Variants in CREB5 observed in about 807,000 individuals in gnomAD.
CREB5 encodes the protein cAMP responsive element binding protein 5.
CREB5 carries 19 observed loss-of-function variants against 57.1 expected under a neutral mutation model. The ratio of observed to expected loss-of-function variants is 0.33; its 90% CI spans 0.23 to 0.49. The LOEUF is 0.49. Among genes scored for constraint, CREB5 ranks in the 20% least tolerant of loss-of-function variants. CREB5 has a pLI of 0.99. For missense variants in CREB5, 579 were observed against 671.6 expected, an observed-to-expected ratio of 0.86 and a Z score of 1.52; for synonymous variants, 238 against 238.3, an observed-to-expected ratio of 1.00 and a Z score of 0.01.
At chr7:28,679,603 C>T (rs1800491367) in intron 5 of CREB5, among the ~76,000 whole-genome samples, 1 of 152,192 alleles carries the variant, frequency 6.6e-6, no homozygotes, top group Admixed American at 6.5e-5. Context: ...TTCTTCTCTG[C>T]CTCTACTCCA....
intron 7 of CREB5, among the ~76,000 whole-genome samples, chr7:28,734,981 A>G (rs1228858699): frequency 6.6e-6 from 1 of 152,146 alleles, no homozygotes; most frequent in Non-Finnish European, 1.5e-5. Context: ...TAATAGAGCA[A>G]ATTGTCCTTC....
chr7:28,562,997 G>T (rs1437294450), intron 4 of CREB5, among the ~76,000 whole-genome samples: 1 of 152,142 alleles, frequency 6.6e-6, no homozygotes, highest in Admixed American at 6.5e-5. Context: ...GCCTAGAGCT[G>T]AGCTTTTCCA....
intron 7 of CREB5, among the ~76,000 whole-genome samples, chr7:28,790,607 T>C (rs1321478109): frequency 3.9e-5 from 6 of 152,226 alleles, no homozygotes; most frequent in Non-Finnish European, 5.9e-5. Flanking sequence ...CAGATGGGCT[T>C]GGTCCCATCA....
chr7:28,614,054 GC>G (rs1797506052), intron 5 of CREB5, among the ~76,000 whole-genome samples: 2 of 152,166 alleles, frequency 1.3e-5, no homozygotes, highest in African/African-American at 4.8e-5. Flanking sequence ...TGAACTACCA[GC>G]CTCAAGAGAT....
chr7:28,669,717 C>T (rs1021146324), intron 5 of CREB5, among the ~76,000 whole-genome samples: 3 of 152,238 alleles, frequency 2.0e-5, no homozygotes, highest in African/African-American at 7.2e-5. Flanking sequence ...ACAGTGGCTA[C>T]AAGCCAAGCT....
intron 1 of CREB5, among the ~76,000 whole-genome samples, chr7:28,462,514 G>T (rs1439506478): frequency 1.3e-5 from 2 of 152,088 alleles, no homozygotes; most frequent in African/African-American, 4.8e-5. Flanking sequence ...TTTCTCAAGT[G>T]GCTGCCCCGT....
intron 5 of CREB5, among the ~76,000 whole-genome samples, chr7:28,613,094 C>T (rs1797458445): frequency 6.6e-6 from 1 of 152,186 alleles, no homozygotes; most frequent in South Asian, 2.1e-4. Flanking sequence ...TGCCTGCTTA[C>T]TGGGACTACA....
rs550097607 is a variant in CREB5, at chr7:28,762,943, A to G, written c.702+38611A>G. Among the ~76,000 whole-genome samples, 435 of 152,336 alleles carry G rather than the reference A, an allele frequency of 2.9e-3. 2 individuals are homozygous for G. Among genetic ancestry groups the G allele is most frequent in the Non-Finnish European group, 4.2e-3 (287 of 68,024 alleles). ...CAGTGTCCCAAAAGATCTTATTTAT[A>G]AAAGTATTCCACTTAAGATGTGGGC... On this transcript the variant is annotated intron_variant, in intron 7 of 10. Transcript: ENST00000357727.
chr7:28,430,229 T>G (rs538229680), intron 1 of CREB5, among the ~76,000 whole-genome samples: 1 of 152,208 alleles, frequency 6.6e-6, no homozygotes, highest in African/African-American at 2.4e-5. Flanking sequence ...GGGGAATTCA[T>G]GAAAGAGGCC....
At chr7:28,475,445 C>T (rs1318067471) in intron 1 of CREB5, among the ~76,000 whole-genome samples, 1 of 147,562 alleles carries the variant, frequency 6.8e-6, no homozygotes, top group Non-Finnish European at 1.5e-5. Flanking sequence ...TTAAATATCA[C>T]ATGGGCTATT....
intron 5 of CREB5, among the ~76,000 whole-genome samples, chr7:28,624,105 C>T (rs563890749): frequency 3.3e-5 from 5 of 152,148 alleles, no homozygotes; most frequent in South Asian, 4.1e-4. Context: ...AGTCTGAAGC[C>T]GTTACAAATA....
At chr7:28,682,352 G>A (rs757974990) in intron 5 of CREB5, among the ~76,000 whole-genome samples, 3 of 152,224 alleles carry the variant, frequency 2.0e-5, no homozygotes, top group East Asian at 1.9e-4. Flanking sequence ...CACCCAGGTC[G>A]AAGGGAATGC....
At chr7:28,769,949 T>G (rs4722844) in intron 7 of CREB5, among the ~76,000 whole-genome samples, 102,147 of 152,056 alleles carry the variant, frequency 0.67, 34,944 homozygotes, top group East Asian at 0.83. Flanking sequence ...TTCTTGCCAA[T>G]GGTGAAACTG....
rs541247843 is a variant in CREB5, at chr7:28,694,268, A to G, written c.465-24485A>G. Among the ~76,000 whole-genome samples the G allele has an allele frequency of 1.6e-4, 24 of 152,326 alleles. No individual in the cohort carries two copies. The East Asian group carries it at 2.7e-3, about 17-fold the overall frequency. On this transcript the variant is annotated intron_variant, in intron 5 of 10. Transcript: ENST00000357727. ...ATTATAATAAACCCATTTAGTGTAA[A>G]TGTAGTTGTAAATTGCTCTTGCGTA...
chr7:28,627,728 A>G (rs1174993389), intron 5 of CREB5, among the ~76,000 whole-genome samples: 1 of 151,826 alleles, frequency 6.6e-6, no homozygotes, highest in East Asian at 1.9e-4. Flanking sequence ...TCTACCCCGC[A>G]CCCCTGGACC....
At chr7:28,536,304 G>A (rs578256769) in intron 4 of CREB5, among the ~76,000 whole-genome samples, 1 of 152,290 alleles carries the variant, frequency 6.6e-6, no homozygotes, top group South Asian at 2.1e-4. Context: ...TTGCACCTGT[G>A]TTTCCTGATC....
At chr7:28,547,538 C>T (rs1245645312) in intron 4 of CREB5, among the ~76,000 whole-genome samples, 2 of 152,088 alleles carry the variant, frequency 1.3e-5, no homozygotes. Flanking sequence ...ATTATGAGGC[C>T]CACCAACATT....
intron 7 of CREB5, among the ~76,000 whole-genome samples, chr7:28,781,938 T>C (rs34382884): frequency 1.3e-5 from 2 of 151,184 alleles, no homozygotes; most frequent in Non-Finnish European, 3.0e-5. Context: ...AATGTGTGTT[T>C]TTTTTTTTTT....
intron 5 of CREB5, among the ~76,000 whole-genome samples, chr7:28,570,990 A>G (rs746097231): frequency 2.0e-5 from 3 of 152,034 alleles, no homozygotes; most frequent in Non-Finnish European, 2.9e-5. Context: ...TCCGTGAGAG[A>G]TAAATTCCAA....
Sources: gnomAD v4.1 joint callset for allele counts (sites outside exome capture counted in the v4.1 genomes callset) on GRCh38, gnomAD v4.1.1 for gene constraint, MANE v1.5 for transcripts, NCBI Gene and HGNC (gene_info 2026-07-23, HGNC 2026-07-21) for gene names.